DCSTAMP: variants seen among roughly 807,000 people sequenced by gnomAD.
The protein encoded by DCSTAMP is dendritic cell-specific transmembrane protein.
A neutral mutation model predicts 33.8 loss-of-function variants in DCSTAMP; 25 were observed. That is an observed-to-expected ratio of 0.74 (90% CI 0.54 to 1.03). DCSTAMP has a LOEUF of 1.03. Among genes scored for constraint, DCSTAMP ranks in the 50% least tolerant of loss-of-function variants. DCSTAMP has a pLI of 0.00. For synonymous variants in DCSTAMP, 245 were observed against 216.7 expected, an observed-to-expected ratio of 1.13 and a Z score of -1.15; for missense variants, 531 against 556.8, an observed-to-expected ratio of 0.95 and a Z score of 0.47.
chr8:104,349,657 C>T lies in DCSTAMP; in HGVS notation c.1029+76C>T, dbSNP rs988439896. 44 of 1,501,060 alleles carry T rather than the reference C, an allele frequency of 2.9e-5. 1 individual carries two copies. Among genetic ancestry groups the T allele is most frequent in the Middle Eastern group, 4.7e-4 (2 of 4,256 alleles). The allele number at this position is 1,501,060 out of a possible 1,614,324, so 93.0% of individuals were successfully genotyped here. On this transcript the variant is annotated intron_variant, in intron 2 of 3. Transcript: ENST00000297581. ...GTCTTGCAAAAGATCATGAACCTCC[C>T]GAGGCAGGGCAGTGGCTCATTCACC... is the stretch of plus-strand genomic sequence containing the variant.
chr8:104,348,960 A>G lies in DCSTAMP; in HGVS notation c.408A>G (p.Ile136Met), dbSNP rs200648099. ...ACCTAAGGGCAAAGAGCTTTTCCAT[A>G]CATTTTCCACTTTTGAAAAAATATA... is the stretch of plus-strand genomic sequence containing the variant. ...TCNLRAKSFS[I>M]HFPLLKKYIE... The change falls in exon 2 of 4, where the codon ATA (isoleucine) becomes ATG (methionine). Residue 136 changes from isoleucine to methionine, a missense_variant. Ile to Met is a conservative substitution (Grantham distance 10, BLOSUM62 1). Coordinates refer to ENST00000297581, the MANE Select transcript of DCSTAMP (RefSeq NM_030788.4). 5.6e-6 allele frequency: 9 copies of G among 1,614,236 alleles called. No individual in the cohort carries two copies. In the Admixed American group the frequency reaches 6.7e-5, roughly 12 times the overall value.
At chr8:104,353,209 C>T (rs1810515160) in intron 2 of DCSTAMP, among the ~76,000 whole-genome samples, 1 of 152,136 alleles carries the variant, frequency 6.6e-6, no homozygotes, top group Non-Finnish European at 1.5e-5. Context: ...AGAGCCTGGC[C>T]TCCATTCATT....
Position 104,348,522 on chromosome 8 carries a change from G to T in DCSTAMP, c.-12-19G>T. 1.3e-6 allele frequency: 2 copies of T among 1,589,550 alleles called. No individual in the cohort carries two copies. On this transcript the variant is annotated intron_variant, in intron 1 of 3. Transcript: ENST00000297581. ...CATTCAAAAGTAATTTCTGACCTTG[G>T]TTTCTTTTTCATTTTCAGGACGCAG...
chr8:104,348,449 G>A (rs190575620), intron 1 of DCSTAMP, 92 bp from the exon 2 acceptor site: 31 of 1,321,902 alleles, frequency 2.3e-5, no homozygotes, highest in Admixed American at 1.0e-4. Context: ...TTATGGCCAC[G>A]TTTTTTGTAG....
intron 2 of DCSTAMP, among the ~76,000 whole-genome samples, chr8:104,354,172 A>G (rs1005046358): frequency 5.3e-5 from 8 of 152,206 alleles, no homozygotes; most frequent in African/African-American, 1.7e-4. Flanking sequence ...TCCTATTTTT[A>G]GGACCTGCCC....
chr8:104,344,421 G>A (rs144851818), intron 1 of DCSTAMP, among the ~76,000 whole-genome samples: 65 of 152,236 alleles, frequency 4.3e-4, no homozygotes, highest in Admixed American at 2.6e-3. Context: ...AAGTGCTCAT[G>A]TGGCCAGTGC....
chr8:104,340,021 A>T, intron 1 of DCSTAMP, among the ~76,000 whole-genome samples, 159 bp downstream of exon 1: 1 of 152,228 alleles, frequency 6.6e-6, no homozygotes, highest in East Asian at 1.9e-4. Flanking sequence ...TCATGTTGGT[A>T]TCTGAATATC....
chr8:104,354,351 G>C (rs916352166), intron 2 of DCSTAMP, among the ~76,000 whole-genome samples: 3 of 152,166 alleles, frequency 2.0e-5, no homozygotes, highest in Non-Finnish European at 4.4e-5. Context: ...GTCTGCTTAA[G>C]GGGTATTGGG....
Position 104,349,138 on chromosome 8 carries a change from G to C in DCSTAMP, c.586G>C (p.Val196Leu). The C allele has an allele frequency of 6.2e-7, 1 of 1,614,178 alleles. No homozygotes were observed. Among genetic ancestry groups the C allele is most frequent in the East Asian group, 2.2e-5 (1 of 44,886 alleles). The change falls in exon 2 of 4, where the codon GTC (valine) becomes CTC (leucine). Residue 196 changes from valine (V) to leucine (L), a missense_variant. Transcript: ENST00000297581. ...TGACAGCAAAGGGGAAGTCCTGAGCGTCTTGTACCAGATGGCAACAACCAC... is the reference window on the plus strand; with the variant it reads ...TGACAGCAAAGGGGAAGTCCTGAGCCTCTTGTACCAGATGGCAACAACCAC... ...LNDSKGEVLS[V>L]LYQMATTTEV... is the part of the protein sequence containing the mutation.
chr8:104,346,274 T>C (rs959062382), intron 1 of DCSTAMP, among the ~76,000 whole-genome samples: 1 of 152,214 alleles, frequency 6.6e-6, no homozygotes, highest in Non-Finnish European at 1.5e-5. Context: ...CCCAAAGTAA[T>C]GGGAGAGCAA....
In DCSTAMP at chr8:104,356,319, T is replaced by C; in HGVS notation, c.*121T>C. ...GACGCAGTCCTCTCAGGAGTCTGAG[T>C]TTACAGAGCCAACTTGCAGCACCTG... is the stretch of plus-strand genomic sequence containing the variant. On this transcript the variant is annotated 3_prime_UTR_variant, in exon 4 of 4. Transcript: ENST00000297581. 1 of 927,690 alleles carries C rather than the reference T, an allele frequency of 1.1e-6. No homozygotes were observed. Among genetic ancestry groups the C allele is most frequent in the Non-Finnish European group, 1.5e-6 (1 of 667,858 alleles). The allele number at this position is 927,690 out of a possible 1,614,324, so 57.5% of individuals were successfully genotyped here.
chr8:104,349,586 G>A lies in DCSTAMP; in HGVS notation c.1029+5G>A. On this transcript the variant is annotated splice_donor_5th_base_variant and intron_variant, in intron 2 of 3. Transcript: ENST00000297581. ...CACTTGAAACTGCACGGAGAGGTAG[G>A]GCCCACAGGTACTTCTCATGGTTTA... is the stretch of plus-strand genomic sequence containing the variant. 4 of 1,602,420 alleles carry A rather than the reference G, an allele frequency of 2.5e-6. No individual in the cohort carries two copies. The highest frequency in any genetic ancestry group is 3.4e-6 in the Non-Finnish European group (4 of 1,176,080).
At chr8:104,354,747 G>A (rs1810566069) in intron 2 of DCSTAMP, 130 bp from the exon 3 acceptor site, 5 of 620,234 alleles carry the variant, frequency 8.1e-6, no homozygotes, top group Non-Finnish European at 1.4e-5. Flanking sequence ...AGGAAGATGT[G>A]ATAGTTCCTT....
intron 1 of DCSTAMP, among the ~76,000 whole-genome samples, chr8:104,340,969 C>T (rs1006026956): frequency 2.0e-5 from 3 of 152,296 alleles, no homozygotes; most frequent in Non-Finnish European, 4.4e-5. Context: ...TGAGCATAAG[C>T]CATTGGCTTC....
At chr8:104,353,754 G>A (rs1810533036) in intron 2 of DCSTAMP, among the ~76,000 whole-genome samples, 1 of 152,240 alleles carries the variant, frequency 6.6e-6, no homozygotes, top group Non-Finnish European at 1.5e-5. Context: ...CGTCCGCTGG[G>A]TGTAGTTGGG....
In DCSTAMP at chr8:104,349,465, T is replaced by C; in HGVS notation, c.913T>C (p.Cys305Arg). The change falls in exon 2 of 4, where the codon TGC becomes CGC. Residue 305 changes from cysteine to arginine, a missense_variant. Physicochemically the swap from Cys to Arg is radical, Grantham distance 180 (BLOSUM62 -3). Coordinates refer to ENST00000297581, the MANE Select transcript of DCSTAMP (RefSeq NM_030788.4). Reference sequence around the variant, plus strand: ...TTTCCTCCCCATACTTATCCATCTCTGCATCTGGGTGCTGTTTGCAGCTGT... The same window carrying C: ...TTTCCTCCCCATACTTATCCATCTCCGCATCTGGGTGCTGTTTGCAGCTGT... ...LFFLPILIHL[C>R]IWVLFAAVDY... 3.7e-6 allele frequency: 6 copies of C among 1,614,196 alleles called. No homozygotes were observed. Among genetic ancestry groups the C allele is most frequent in the Non-Finnish European group, 5.1e-6 (6 of 1,180,048 alleles).
chr8:104,346,750 T>C (rs555579327), intron 1 of DCSTAMP, among the ~76,000 whole-genome samples: 29 of 152,220 alleles, frequency 1.9e-4, no homozygotes, highest in Non-Finnish European at 4.0e-4. Context: ...GTGGAGAAAT[T>C]TACACATGTT....
intron 1 of DCSTAMP, chr8:104,340,542 G>A (rs2099382615): frequency 6.6e-6 from 1 of 152,238 alleles, no homozygotes; most frequent in Admixed American, 6.5e-5. Context: ...GCTGGGCTTT[G>A]ATGTTCTGTC....
chr8:104,342,706 A>T (rs1421175472), intron 1 of DCSTAMP, among the ~76,000 whole-genome samples: 1 of 152,196 alleles, frequency 6.6e-6, no homozygotes, highest in Admixed American at 6.5e-5. Flanking sequence ...TCCTGACCCC[A>T]GCTCAACAGG....
Sources: gnomAD v4.1 joint callset for allele counts (sites outside exome capture counted in the v4.1 genomes callset) on GRCh38, gnomAD v4.1.1 for gene constraint, MANE v1.5 for transcripts, NCBI Gene and HGNC (gene_info 2026-07-23, HGNC 2026-07-21) for gene names.